Variants in CCDC63 observed in about 807,000 individuals in gnomAD.
CCDC63 encodes the protein coiled-coil domain containing 63.
A neutral mutation model predicts 63.6 loss-of-function variants in CCDC63; 54 were observed. The observed-to-expected ratio is 0.85, with a 90% CI of 0.68 to 1.07. CCDC63 has a LOEUF of 1.07. CCDC63 is among the 50% of genes least tolerant of loss of function. The pLI, the probability that CCDC63 is intolerant of heterozygous loss-of-function variation, is 0.00. For missense variants in CCDC63, 637 were observed against 689.6 expected, an observed-to-expected ratio of 0.92 and a Z score of 0.86; for synonymous variants, 253 against 266.1, an observed-to-expected ratio of 0.95 and a Z score of 0.48.
At chr12:110,848,567 T>C (rs1186714495) in intron 1 of CCDC63, among the ~76,000 whole-genome samples, 1 of 152,184 alleles carries the variant, frequency 6.6e-6, no homozygotes, top group African/African-American at 2.4e-5. Context: ...TCCTGGAGAA[T>C]GGTGCATAAC....
intron 7 of CCDC63, among the ~76,000 whole-genome samples, chr12:110,881,532 C>A (rs1040392202): frequency 1.3e-5 from 2 of 152,076 alleles, no homozygotes; most frequent in African/African-American, 4.8e-5. Context: ...ACAGCCTGAC[C>A]AACATGGTGA....
chr12:110,897,638 T>A (rs1782031225), intron 9 of CCDC63, among the ~76,000 whole-genome samples: 1 of 152,078 alleles, frequency 6.6e-6, no homozygotes, highest in African/African-American at 2.4e-5. Flanking sequence ...TTATATTCAT[T>A]TGATTAGATA....
intron 11 of CCDC63, among the ~76,000 whole-genome samples, chr12:110,906,906 C>T (rs954210325): frequency 1.3e-5 from 2 of 152,200 alleles, no homozygotes; most frequent in African/African-American, 4.8e-5. Context: ...TAGGTTCTCC[C>T]AGCCCACTGG....
intron 5 of CCDC63, among the ~76,000 whole-genome samples, chr12:110,874,372 T>C (rs2071105018): frequency 6.6e-6 from 1 of 152,184 alleles, no homozygotes. Context: ...TAGGCATAGA[T>C]ATGCATAACT....
At chr12:110,887,632 AT>A (rs1422348132) in intron 8 of CCDC63, among the ~76,000 whole-genome samples, 2 of 151,836 alleles carry the variant, frequency 1.3e-5, no homozygotes, top group Non-Finnish European at 2.9e-5. Context: ...GGTTAAAAAA[AT>A]TTTTTTTTAA....
At chr12:110,905,182 A>C (rs1185905663) in intron 11 of CCDC63, among the ~76,000 whole-genome samples, 1 of 151,928 alleles carries the variant, frequency 6.6e-6, no homozygotes, top group Non-Finnish European at 1.5e-5. Flanking sequence ...CCTGAGTCTC[A>C]CTCACCTATG....
At chr12:110,868,024 C>G (rs1268057042) in intron 4 of CCDC63, among the ~76,000 whole-genome samples, 1 of 143,914 alleles carries the variant, frequency 6.9e-6, no homozygotes, top group East Asian at 2.2e-4. Context: ...ACGGGGCGGC[C>G]GGGCAGAGAC....
At chr12:110,869,526 C>T (rs540159494) in intron 4 of CCDC63, among the ~76,000 whole-genome samples, 94 of 152,042 alleles carry the variant, frequency 6.2e-4, no homozygotes, top group Middle Eastern at 3.2e-3. Context: ...TAGCATTAGC[C>T]GTCTGCTTCT....
intron 10 of CCDC63, among the ~76,000 whole-genome samples, chr12:110,900,600 CTT>C (rs745415057): frequency 6.6e-5 from 9 of 137,292 alleles, no homozygotes; most frequent in Non-Finnish European, 8.0e-5. Flanking sequence ...ACCTCAGATT[CTT>C]TTTTTTTTTT....
intron 4 of CCDC63, among the ~76,000 whole-genome samples, chr12:110,870,272 G>T (rs1331146195): frequency 6.6e-6 from 1 of 152,114 alleles, no homozygotes; most frequent in Non-Finnish European, 1.5e-5. Context: ...AGTAGAGACG[G>T]GGTTTCACCA....
chr12:110,900,083 G>A (rs1012228480), intron 10 of CCDC63, among the ~76,000 whole-genome samples: 6 of 151,912 alleles, frequency 3.9e-5, no homozygotes, highest in Admixed American at 3.9e-4. Context: ...GTGTGGTGGT[G>A]TACACTGTAG....
rs754420359 is a variant in CCDC63 at position 110,873,858 on chromosome 12, A to C, written c.386A>C (p.Lys129Thr). 6 of 1,613,262 alleles carry C rather than the reference A, an allele frequency of 3.7e-6. No individual in the cohort carries two copies. The highest frequency in any genetic ancestry group is 5.1e-6 in the Non-Finnish European group (6 of 1,179,874). ...ELDEKILQMEKKIANQKQIFA... is the reference protein window; with the variant it reads ...ELDEKILQMETKIANQKQIFA... ...CTTTTTCAGATTCTTCAGATGGAAA[A>C]AAAAATCGCAAACCAAAAACAGATT... The change falls in exon 5 of 12, where the codon AAA (lysine) becomes ACA (threonine). Residue 129 changes from lysine to threonine, a missense_variant. Transcript: ENST00000308208.
At chr12:110,894,850 C>T (rs1026579002) in intron 9 of CCDC63, among the ~76,000 whole-genome samples, 3 of 152,200 alleles carry the variant, frequency 2.0e-5, no homozygotes, top group African/African-American at 7.2e-5. Context: ...GTTACTTTGG[C>T]TTTAGCATGA....
rs35293736 is a variant in CCDC63, at chr12:110,861,160, A to G, written c.369+2385A>G. ...GATGGTGCCAAACCATTCATGAAAA[A>G]CCACCCCCCACCATCCCATTGTCTC... On this transcript the variant is annotated intron_variant, in intron 4 of 11. Transcript: ENST00000308208. 8.2e-3 allele frequency among the ~76,000 whole-genome samples: 1,249 copies of G among 151,562 alleles called. 39 individuals are homozygous for G. In the East Asian group the frequency reaches 0.11, roughly 14 times the overall value.
chr12:110,868,766 G>GGCGGGA (rs2071021643), intron 4 of CCDC63, among the ~76,000 whole-genome samples: 1 of 73,632 alleles, frequency 1.4e-5, no homozygotes, highest in Admixed American at 1.4e-4. Context: ...AGGGGGAGGG[G>GGCGGGA]GAGGGAGAGG....
intron 8 of CCDC63, among the ~76,000 whole-genome samples, chr12:110,888,192 C>T (rs2071309675): frequency 6.6e-6 from 1 of 152,142 alleles, no homozygotes; most frequent in Non-Finnish European, 1.5e-5. Context: ...CACCACTGTC[C>T]TCTGGCGTCC....
chr12:110,905,888 A>G lies in CCDC63; in HGVS notation c.1546+1097A>G, dbSNP rs1164217774. On this transcript the variant is annotated intron_variant, in intron 11 of 11. Transcript: ENST00000308208. ...TGTATATATGTGTGTGTGTATATAT[A>G]TAATATTATATATAATATATATTAT... is the stretch of plus-strand genomic sequence containing the variant. Among the ~76,000 whole-genome samples the G allele has an allele frequency of 7.6e-4, 11 of 14,394 alleles. No individual in the cohort carries two copies. The East Asian group carries it at 0.014, about 18-fold the overall frequency. The allele number at this position is 14,394 out of a possible 152,430, so 9.4% of individuals were successfully genotyped here.
chr12:110,889,012 C>A lies in CCDC63; in HGVS notation c.1075-4064C>A, dbSNP rs1007345771. On this transcript the variant is annotated intron_variant, in intron 8 of 11. Transcript: ENST00000308208. The surrounding 1 kb of genome is among the most constrained non-coding windows in gnomAD (Gnocchi z 4.1). ...TCAGCCTCCAGAGTGGCTGGGACTACAGGCACACACCACCACACCCAGCTA... is the reference window on the plus strand; with the variant it reads ...TCAGCCTCCAGAGTGGCTGGGACTAAAGGCACACACCACCACACCCAGCTA... Among the ~76,000 whole-genome samples the A allele has an allele frequency of 2.6e-5, 4 of 152,070 alleles. No homozygotes were observed. The highest frequency in any genetic ancestry group is 9.7e-5 in the African/African-American group (4 of 41,404).
chr12:110,887,056 C>G (rs935219010), intron 8 of CCDC63, among the ~76,000 whole-genome samples: 2 of 152,118 alleles, frequency 1.3e-5, no homozygotes, highest in Non-Finnish European at 2.9e-5. Flanking sequence ...TCCTCCAAGT[C>G]CAAACTCTTT....
Sources: gnomAD v4.1 joint callset for allele counts (sites outside exome capture counted in the v4.1 genomes callset) on GRCh38, gnomAD v4.1.1 for gene constraint, Gnocchi (gnomAD v3.1) non-coding constraint, MANE v1.5 for transcripts, NCBI Gene and HGNC (gene_info 2026-07-23, HGNC 2026-07-21) for gene names.